The following RSPH1 variants were observed in gnomAD, a reference collection of about 807,000 sequenced individuals.
RSPH1 encodes the protein radial spoke head 1 homolog.
A neutral mutation model predicts 44.2 loss-of-function variants in RSPH1; 32 were observed. The observed-to-expected ratio is 0.72, with a 90% CI of 0.55 to 0.97. The LOEUF is 0.97. Ranked by LOEUF, RSPH1 falls within the 50% of genes least tolerant of loss-of-function variation. The pLI is 0.00. For synonymous variants in RSPH1, 134 were observed against 147.3 expected, an observed-to-expected ratio of 0.91 and a Z score of 0.65; for missense variants, 391 against 398.7, an observed-to-expected ratio of 0.98 and a Z score of 0.16.
chr21:42,475,805 T>G, intron 8 of RSPH1, 93 bp downstream of exon 8: 1 of 1,445,258 alleles, frequency 6.9e-7, no homozygotes, highest in Non-Finnish European at 9.4e-7. Flanking sequence ...GGGGCCCAGC[T>G]GAAGGCAGGC....
intron 7 of RSPH1, among the ~76,000 whole-genome samples, chr21:42,476,844 C>T (rs1271909441): frequency 2.6e-5 from 4 of 152,176 alleles, no homozygotes; most frequent in African/African-American, 9.7e-5. Context: ...AAGGCTCTCC[C>T]TAATAACATC....
intron 3 of RSPH1, among the ~76,000 whole-genome samples, chr21:42,488,018 C>T (rs534423959): frequency 1.1e-4 from 16 of 152,144 alleles, no homozygotes; most frequent in Admixed American, 3.3e-4. Flanking sequence ...GAAGGCAGCA[C>T]GAAAAGCTGC....
chr21:42,480,832 C>T (rs898217152), intron 6 of RSPH1, among the ~76,000 whole-genome samples: 1 of 152,016 alleles, frequency 6.6e-6, no homozygotes, highest in Non-Finnish European at 1.5e-5. Context: ...CAGGATCTCC[C>T]GCAGCCTTCC....
At position 42,474,697 on chromosome 21, in the gene RSPH1, T is replaced by C. The variant is rs1283417822; in HGVS notation, c.877+1201A>G. Among the ~76,000 whole-genome samples the C allele has an allele frequency of 6.6e-6, 1 of 152,138 alleles. No individual in the cohort carries two copies. Among genetic ancestry groups the C allele is most frequent in the African/African-American group, 2.4e-5 (1 of 41,372 alleles). ...TCAGAGAAGCAGAGACGATGCTCACTTGTAAAGCCAGGTTTCCACCTGACC... is the reference window on the plus strand; with the variant it reads ...TCAGAGAAGCAGAGACGATGCTCACCTGTAAAGCCAGGTTTCCACCTGACC... On this transcript the variant is annotated intron_variant, in intron 8 of 8. Transcript: ENST00000291536. The surrounding 1 kb of genome is among the most constrained non-coding windows in gnomAD (Gnocchi z 5.2).
At position 42,476,025 on chromosome 21, in the gene RSPH1, C is replaced by T; in HGVS notation, c.750G>A (p.Glu250=). 2 of 1,613,692 alleles carry T rather than the reference C, an allele frequency of 1.2e-6. No individual in the cohort carries two copies. The highest frequency in any genetic ancestry group is 1.7e-6 in the Non-Finnish European group (2 of 1,179,918). ...GAESAGEPGE[E]AQALLEGFEG... is the part of the protein sequence containing the mutation. ...CGAAGCCCTCCAGCAGAGCCTGGGC[C>T]TCCTCCCCGGGTTCTCCTGCACCTG... Residue 250 remains glutamate, a synonymous_variant, in exon 8 of 9, where the codon GAG becomes GAA. Transcript: ENST00000291536.
intron 6 of RSPH1, among the ~76,000 whole-genome samples, chr21:42,482,421 A>G (rs1364933231): frequency 6.6e-6 from 1 of 152,224 alleles, no homozygotes; most frequent in African/African-American, 2.4e-5. Context: ...ATCTATCAAC[A>G]AAGTCTAGAG....
Position 42,492,822 on chromosome 21 carries a change from T to C in RSPH1, c.210A>G (p.Glu70=), listed in dbSNP as rs1259462803. ...KFKNGARYIG[E]YVRNKKHGQG... The stretch of plus-strand genomic sequence containing the variant: ...GACCGTGCTTTTTATTTCTAACATA[T>C]TCTCCGATATATCGAGCACCATTTT... The change falls in exon 3 of 9, where the codon GAA becomes GAG. Residue 70 remains glutamate (E), a synonymous_variant. Coordinates refer to ENST00000291536, the MANE Select transcript of RSPH1 (RefSeq NM_080860.4). 1 of 1,613,532 alleles carries C rather than the reference T, an allele frequency of 6.2e-7. No homozygotes were observed. The highest frequency in any genetic ancestry group is 2.2e-5 in the East Asian group (1 of 44,884).
In RSPH1 at chr21:42,488,737, A is replaced by T. The variant is rs114278397; in HGVS notation, c.275-2276T>A. The stretch of plus-strand genomic sequence containing the variant: ...CGGCCCAGCATTTTGTAATGCCACC[A>T]CAGGGACCCTGCACAAATAGAGAAG... On this transcript the variant is annotated intron_variant, in intron 3 of 8. Coordinates refer to ENST00000291536, the MANE Select transcript of RSPH1 (RefSeq NM_080860.4). 8.3e-3 allele frequency among the ~76,000 whole-genome samples: 1,260 copies of T among 152,298 alleles called. 22 individuals are homozygous for T. The highest frequency in any genetic ancestry group is 0.028 in the African/African-American group (1,173 of 41,558).
intron 3 of RSPH1, among the ~76,000 whole-genome samples, chr21:42,490,223 C>T (rs544232386): frequency 5.6e-4 from 86 of 152,240 alleles, no homozygotes; most frequent in Non-Finnish European, 8.7e-4. Context: ...TCCTGCAGCA[C>T]TATAGCCTCT....
At chr21:42,476,692 G>A (rs2054054767) in intron 7 of RSPH1, among the ~76,000 whole-genome samples, 2 of 151,942 alleles carry the variant, frequency 1.3e-5, no homozygotes, top group African/African-American at 4.8e-5. Context: ...ACTGACCTAG[G>A]TGAGGGGATA....
rs2054141801 is a variant in RSPH1 at position 42,482,716 on chromosome 21, C to T, written c.502-8G>A. ...CTTTCCAGGGCCAACAGGCTACGAG[C>T]AAAGAGAAACCATTCTTAAGTGTCA... On this transcript the variant is annotated splice_region_variant and splice_polypyrimidine_tract_variant and intron_variant, in intron 5 of 8. Coordinates refer to ENST00000291536, the MANE Select transcript of RSPH1 (RefSeq NM_080860.4). 6.2e-7 allele frequency: 1 copy of T among 1,607,574 alleles called. No individual in the cohort carries two copies. The highest frequency in any genetic ancestry group is 1.3e-5 in the African/African-American group (1 of 74,686).
At chr21:42,477,084 A>G (rs59317074) in intron 7 of RSPH1, among the ~76,000 whole-genome samples, 1,900 of 25,590 alleles carry the variant, frequency 0.074, 132 homozygotes, top group African/African-American at 0.14. Context: ...CAGCCCGGGG[A>G]TGCCCCACAC....
At chr21:42,496,096 G>T in intron 1 of RSPH1, 37 bp downstream of exon 1, 2 of 1,612,360 alleles carry the variant, frequency 1.2e-6, no homozygotes, top group Non-Finnish European at 1.7e-6. Flanking sequence ...CCGCCGCTGC[G>T]CACCCTGGGA....
At chr21:42,491,807 C>T (rs1209589215) in intron 3 of RSPH1, among the ~76,000 whole-genome samples, 4 of 152,118 alleles carry the variant, frequency 2.6e-5, no homozygotes, top group Non-Finnish European at 5.9e-5. Flanking sequence ...AGAATATGTC[C>T]TCCTCACTAA....
chr21:42,493,152 A>G, intron 1 of RSPH1, 73 bp from the exon 2 acceptor site: 3 of 1,237,674 alleles, frequency 2.4e-6, no homozygotes, highest in East Asian at 2.3e-5. Flanking sequence ...CATTTTGTAA[A>G]TATCATACCC....
At chr21:42,495,237 G>A (rs961003839) in intron 1 of RSPH1, among the ~76,000 whole-genome samples, 5 of 152,228 alleles carry the variant, frequency 3.3e-5, no homozygotes, top group Non-Finnish European at 4.4e-5. Context: ...TACTGGGCAG[G>A]TAGTTCCAGC....
intron 1 of RSPH1, among the ~76,000 whole-genome samples, chr21:42,494,976 A>G (rs1488802196): frequency 6.6e-6 from 1 of 152,214 alleles, no homozygotes; most frequent in Non-Finnish European, 1.5e-5. Context: ...CTGGGATTAC[A>G]GGTGTGAGCC....
At chr21:42,477,890 ATAAT>A (rs1237346081) in intron 6 of RSPH1, among the ~76,000 whole-genome samples, 1 of 152,130 alleles carries the variant, frequency 6.6e-6, no homozygotes, top group African/African-American at 2.4e-5. Context: ...TAGTAGAAAC[ATAAT>A]TATTTATATT....
chr21:42,477,713 G>A (rs1346874935), intron 6 of RSPH1, among the ~76,000 whole-genome samples: 1 of 152,218 alleles, frequency 6.6e-6, no homozygotes, highest in African/African-American at 2.4e-5. Context: ...GCCACAAAAG[G>A]CTTTCAGATG....
Sources: gnomAD v4.1 joint callset for allele counts (sites outside exome capture counted in the v4.1 genomes callset) on GRCh38, gnomAD v4.1.1 for gene constraint, Gnocchi (gnomAD v3.1) non-coding constraint, MANE v1.5 for transcripts, NCBI Gene and HGNC (gene_info 2026-07-23, HGNC 2026-07-21) for gene names.